The following FNDC3A variants were observed in gnomAD, a reference collection of about 807,000 sequenced individuals.
FNDC3A encodes the protein fibronectin type III domain containing 3A, also known as fibronectin type-III domain-containing protein 3A.
FNDC3A carries 32 observed loss-of-function variants against 148.9 expected under a neutral mutation model. The ratio of observed to expected loss-of-function variants is 0.21; its 90% CI spans 0.16 to 0.29. The LOEUF (loss-of-function observed/expected upper bound fraction) is 0.29. Ranked by LOEUF, FNDC3A falls within the 10% of genes least tolerant of loss-of-function variation. FNDC3A has a pLI of 1.00. For synonymous variants in FNDC3A, 472 were observed against 473.6 expected, an observed-to-expected ratio of 1.00 and a Z score of 0.04; for missense variants, 1,191 against 1,452.8, an observed-to-expected ratio of 0.82 and a Z score of 2.93.
Position 49,138,926 on chromosome 13 carries a change from G to T in FNDC3A, c.819+121G>T, listed in dbSNP as rs1882537032. Reference sequence around the variant, plus strand: ...TGAAAATAGGATCATACTGTATTCTGTGACAAGCTTTTTCACTCACTATGG... The same window carrying T: ...TGAAAATAGGATCATACTGTATTCTTTGACAAGCTTTTTCACTCACTATGG... On this transcript the variant is annotated intron_variant, in intron 7 of 25. Transcript: ENST00000492622. The T allele has an allele frequency of 1.2e-5, 6 of 488,920 alleles. No homozygotes were observed. The Admixed American group carries it at 1.5e-4, about 12-fold the overall frequency. 30.3% of individuals were successfully genotyped at this position (488,920 alleles called of 1,614,324 possible).
chr13:49,012,298 A>C (rs1168715855), intron 2 of FNDC3A, among the ~76,000 whole-genome samples: 1 of 152,002 alleles, frequency 6.6e-6, no homozygotes, highest in Non-Finnish European at 1.5e-5. Flanking sequence ...TATTTTTAGT[A>C]GAGATGGGGT....
intron 14 of FNDC3A, among the ~76,000 whole-genome samples, chr13:49,183,366 G>T (rs563282950): frequency 1.3e-5 from 2 of 152,266 alleles, no homozygotes; most frequent in Admixed American, 6.5e-5. Context: ...CTTATCTTCT[G>T]CATGAAGATT....
At chr13:49,078,774 A>G (rs552844616) in intron 3 of FNDC3A, among the ~76,000 whole-genome samples, 16 of 152,338 alleles carry the variant, frequency 1.1e-4, no homozygotes, top group African/African-American at 3.6e-4. Context: ...GATCTAGGCA[A>G]AAAGTGAGAT....
rs562668022 is a variant in FNDC3A, at chr13:48,983,456, A to C, written c.-40+7279A>C. Among the ~76,000 whole-genome samples the C allele has an allele frequency of 1.5e-3, 227 of 152,320 alleles. 3 individuals carry two copies. Among genetic ancestry groups the C allele is most frequent in the Admixed American group, 3.9e-3 (60 of 15,308 alleles). On this transcript the variant is annotated intron_variant, in intron 1 of 25. Transcript: ENST00000492622. ...TAGGCATTGTGGACCATATGGGCTC[A>C]GTTGCAACTACTTAAACTGTGCTAC...
chr13:48,995,471 T>C (rs1233038606), intron 1 of FNDC3A, among the ~76,000 whole-genome samples: 1 of 152,170 alleles, frequency 6.6e-6, no homozygotes, highest in Non-Finnish European at 1.5e-5. Flanking sequence ...TTTTGAATTA[T>C]AAAAAGCTGT....
intron 1 of FNDC3A, among the ~76,000 whole-genome samples, chr13:48,978,231 A>G (rs1429840853): frequency 6.6e-6 from 1 of 152,144 alleles, no homozygotes; most frequent in Admixed American, 6.5e-5. Context: ...ATATTTTATT[A>G]CTAATTTAAA....
chr13:49,033,903 T>A (rs968972140), intron 2 of FNDC3A, among the ~76,000 whole-genome samples: 1 of 152,014 alleles, frequency 6.6e-6, no homozygotes, highest in Non-Finnish European at 1.5e-5. Flanking sequence ...ATTAAATCAA[T>A]AGTTATAGAT....
chr13:49,013,392 T>C (rs1016146200), intron 2 of FNDC3A, among the ~76,000 whole-genome samples: 5 of 152,128 alleles, frequency 3.3e-5, no homozygotes, highest in South Asian at 2.1e-4. Context: ...ATTTTATTAT[T>C]ATACTTTAAG....
intron 2 of FNDC3A, among the ~76,000 whole-genome samples, chr13:49,016,569 T>G (rs1872800466): frequency 6.6e-6 from 1 of 152,204 alleles, no homozygotes; most frequent in African/African-American, 2.4e-5. Context: ...GATTCATTAA[T>G]TTTTTGAAGG....
chr13:49,060,772 A>G (rs142971728), intron 2 of FNDC3A, among the ~76,000 whole-genome samples: 1 of 152,290 alleles, frequency 6.6e-6, no homozygotes, highest in East Asian at 1.9e-4. Flanking sequence ...TGTTTATATT[A>G]AACATCCAAA....
At chr13:49,050,757 A>G (rs1395690223) in intron 2 of FNDC3A, among the ~76,000 whole-genome samples, 1 of 152,186 alleles carries the variant, frequency 6.6e-6, no homozygotes, top group Non-Finnish European at 1.5e-5. Context: ...GTTCTCCACT[A>G]TTACTGTGTT....
intron 1 of FNDC3A, among the ~76,000 whole-genome samples, chr13:48,986,403 T>TTTG (rs1951801035): frequency 8.0e-6 from 1 of 124,982 alleles, no homozygotes; most frequent in East Asian, 2.3e-4. Context: ...TTTTTTTTTT[T>TTTG]TTTTTTTTTT....
In FNDC3A at chr13:49,208,658, A is replaced by G. The variant is rs990049303; in HGVS notation, c.*1263A>G. The G allele has an allele frequency of 1.3e-5, 2 of 152,676 alleles. No homozygotes were observed. Among genetic ancestry groups the G allele is most frequent in the African/African-American group, 4.8e-5 (2 of 41,468 alleles). The allele number at this position is 152,676 out of a possible 1,614,324, so 9.5% of individuals were successfully genotyped here. A position where few individuals can be genotyped will look rare whatever the true frequency, so the allele number is the denominator to read the frequency against. On this transcript the variant is annotated 3_prime_UTR_variant, in exon 26 of 26. Transcript: ENST00000492622. ...AATTTTGTCAAGTATCACATTGTAC[A>G]TCTTGCCTAGATGTCGATGACTGCA...
intron 14 of FNDC3A, among the ~76,000 whole-genome samples, chr13:49,183,132 G>A (rs1593719230): frequency 6.6e-6 from 1 of 152,086 alleles, no homozygotes; most frequent in African/African-American, 2.4e-5. Context: ...TACCTCACCA[G>A]ATTAACTACT....
chr13:49,020,505 T>C (rs1297479660), intron 2 of FNDC3A, among the ~76,000 whole-genome samples: 1 of 152,278 alleles, frequency 6.6e-6, no homozygotes, highest in South Asian at 2.1e-4. Flanking sequence ...TTGCTCATAC[T>C]GCACGTCCTT....
intron 5 of FNDC3A, among the ~76,000 whole-genome samples, chr13:49,135,877 A>T (rs1233138735): frequency 1.3e-5 from 2 of 152,046 alleles, no homozygotes; most frequent in Non-Finnish European, 2.9e-5. Flanking sequence ...TTCAGTGATG[A>T]TTGCTTTTTT....
chr13:49,123,596 A>G (rs1226790703), intron 4 of FNDC3A, among the ~76,000 whole-genome samples: 4 of 152,046 alleles, frequency 2.6e-5, no homozygotes, highest in East Asian at 3.8e-4. Context: ...TTTTCAATCT[A>G]TCCATCTGAC....
In FNDC3A at chr13:49,202,525, A is replaced by C. The variant is rs1368901125; in HGVS notation, c.3154+559A>C. Reference sequence around the variant, plus strand: ...CTCTATTTTTAGCTGAAAAGTCTATAAAGTTAATTGCTCTGAAGACTAATC... The same window carrying C: ...CTCTATTTTTAGCTGAAAAGTCTATCAAGTTAATTGCTCTGAAGACTAATC... On this transcript the variant is annotated intron_variant, in intron 24 of 25. Coordinates refer to ENST00000492622, the MANE Select transcript of FNDC3A (RefSeq NM_001079673.2). 2.0e-5 allele frequency among the ~76,000 whole-genome samples: 3 copies of C among 152,352 alleles called. No homozygotes were observed. In the East Asian group the frequency reaches 5.8e-4, roughly 29 times the overall value.
chr13:49,001,315 T>G (rs1952121887), intron 1 of FNDC3A, among the ~76,000 whole-genome samples: 1 of 152,218 alleles, frequency 6.6e-6, no homozygotes, highest in Non-Finnish European at 1.5e-5. Context: ...TCCCATCATC[T>G]TTGTAAGCTG....
Sources: allele counts gnomAD v4.1 joint callset (sites outside exome capture counted in the v4.1 genomes callset), GRCh38; gene constraint gnomAD v4.1.1; transcripts MANE v1.5; gene names NCBI Gene and HGNC (gene_info 2026-07-23, HGNC 2026-07-21).